Variants in NRXN3 observed in about 807,000 individuals in gnomAD.
NRXN3 encodes the protein neurexin III.
A neutral mutation model predicts 137.6 loss-of-function variants in NRXN3; 32 were observed. That is an observed-to-expected ratio of 0.23 (90% CI 0.18 to 0.31). NRXN3 has a LOEUF of 0.31. NRXN3 is among the 10% of genes least tolerant of loss of function. The pLI, the probability that NRXN3 is intolerant of heterozygous loss-of-function variation, is 1.00. For missense variants in NRXN3, 1,574 were observed against 2,062.5 expected, an observed-to-expected ratio of 0.76 and a Z score of 4.59; for synonymous variants, 798 against 784.5, an observed-to-expected ratio of 1.02 and a Z score of -0.29.
chr14:79,044,462 T>A (rs1031207109), intron 15 of NRXN3, among the ~76,000 whole-genome samples: 3 of 152,170 alleles, frequency 2.0e-5, no homozygotes, highest in South Asian at 2.1e-4. Context: ...CAAGGGAGAA[T>A]AATGATTGTA....
At chr14:79,652,313 GAAGA>G (rs2153973431) in intron 16 of NRXN3, among the ~76,000 whole-genome samples, 1 of 148,214 alleles carries the variant, frequency 6.7e-6, no homozygotes, top group East Asian at 1.9e-4. Flanking sequence ...CACTCATAAA[GAAGA>G]GAGAGAAGAA....
intron 16 of NRXN3, among the ~76,000 whole-genome samples, chr14:79,562,543 G>T (rs892132865): frequency 6.6e-6 from 1 of 152,176 alleles, no homozygotes; most frequent in Non-Finnish European, 1.5e-5. Flanking sequence ...GCTGGCATCA[G>T]ATAGAATGTC....
chr14:78,697,888 T>C (rs992172431), intron 6 of NRXN3: 1 of 152,048 alleles, frequency 6.6e-6, no homozygotes, highest in Non-Finnish European at 1.5e-5. Flanking sequence ...TTTTGCTGAT[T>C]GCAGAGGGGC....
intron 4 of NRXN3, among the ~76,000 whole-genome samples, chr14:78,408,998 C>A (rs2092670894): frequency 1.3e-5 from 2 of 152,336 alleles, no homozygotes; most frequent in South Asian, 4.1e-4. Flanking sequence ...ACTTGAAATT[C>A]TGTTAGAAAT....
chr14:79,692,682 A>G (rs1445433416), intron 18 of NRXN3, among the ~76,000 whole-genome samples: 2 of 152,010 alleles, frequency 1.3e-5, no homozygotes, highest in African/African-American at 4.8e-5. Context: ...TGCTTAACAA[A>G]ACAAAAAACA....
In NRXN3 at chr14:79,761,491, G is replaced by C. The variant is rs372527592; in HGVS notation, c.4015-43621G>C. Reference sequence around the variant, plus strand: ...TTGAAATCTTATCTTCTGTAGAACTGGATCTCATCCTGGCCAACATGGTGA... The same window carrying C: ...TTGAAATCTTATCTTCTGTAGAACTCGATCTCATCCTGGCCAACATGGTGA... On this transcript the variant is annotated intron_variant, in intron 19 of 20. Transcript: ENST00000335750. Among the ~76,000 whole-genome samples, 11 of 151,282 alleles carry C rather than the reference G, an allele frequency of 7.3e-5. 1 individual carries two copies. The highest frequency in any genetic ancestry group is 2.5e-4 in the African/African-American group (10 of 40,750).
chr14:78,579,534 TA>T (rs201034587), intron 4 of NRXN3, among the ~76,000 whole-genome samples: 5,594 of 137,304 alleles, frequency 0.041, 71 homozygotes, highest in South Asian at 0.043. Context: ...TGGTGGTGGT[TA>T]AAAAAAAAAA....
chr14:79,081,245 G>A (rs1300945610), intron 15 of NRXN3, among the ~76,000 whole-genome samples: 1 of 152,194 alleles, frequency 6.6e-6, no homozygotes, highest in African/African-American at 2.4e-5. Context: ...ATCCCAAGTG[G>A]TTAACATTTA....
At chr14:78,717,075 T>G (rs991715986) in intron 8 of NRXN3, among the ~76,000 whole-genome samples, 5 of 152,216 alleles carry the variant, frequency 3.3e-5, no homozygotes, top group African/African-American at 4.8e-5. Flanking sequence ...GCCAAAGTGT[T>G]GCAGATCTTC....
chr14:78,353,075 G>C (rs1484665183), intron 4 of NRXN3, among the ~76,000 whole-genome samples: 1 of 152,164 alleles, frequency 6.6e-6, no homozygotes, highest in Non-Finnish European at 1.5e-5. Context: ...CTTAGGACTA[G>C]AAGGACATGC....
chr14:78,464,971 A>C (rs2095054428), intron 4 of NRXN3, among the ~76,000 whole-genome samples: 1 of 152,178 alleles, frequency 6.6e-6, no homozygotes, highest in Admixed American at 6.5e-5. Flanking sequence ...CACATGCTTT[A>C]TAGTTGATTC....
At chr14:79,833,640 A>C (rs1475715788) in intron 20 of NRXN3, among the ~76,000 whole-genome samples, 1 of 152,120 alleles carries the variant, frequency 6.6e-6, no homozygotes, top group Non-Finnish European at 1.5e-5. Context: ...TCACCTTAAA[A>C]GGCAGGCAGC....
At chr14:79,310,272 G>A (rs1290800130) in intron 15 of NRXN3, among the ~76,000 whole-genome samples, 1 of 114,752 alleles carries the variant, frequency 8.7e-6, no homozygotes, top group Non-Finnish European at 1.7e-5. Flanking sequence ...TGAGGGCTCT[G>A]TTCTGTTCCA....
At chr14:79,461,589 T>A (rs953479830) in intron 15 of NRXN3, among the ~76,000 whole-genome samples, 3 of 152,192 alleles carry the variant, frequency 2.0e-5, no homozygotes, top group African/African-American at 7.2e-5. Flanking sequence ...TCAGTTAAAT[T>A]TATGTCTCTA....
At chr14:78,810,366 AT>A in intron 10 of NRXN3, 22 bp downstream of exon 10, 2 of 1,236,118 alleles carry the variant, frequency 1.6e-6, no homozygotes, top group Non-Finnish European at 1.1e-6. Context: ...CTCAAGTTTC[AT>A]TTTGTTCTTT....
chr14:79,764,698 T>C (rs1424833301), intron 19 of NRXN3, among the ~76,000 whole-genome samples: 2 of 152,180 alleles, frequency 1.3e-5, no homozygotes, highest in African/African-American at 2.4e-5. Context: ...CATGTTACTG[T>C]TATGCAGAGA....
chr14:78,814,729 G>A (rs1347303873), intron 10 of NRXN3, among the ~76,000 whole-genome samples: 1 of 152,144 alleles, frequency 6.6e-6, no homozygotes, highest in Non-Finnish European at 1.5e-5. Context: ...TAACCTAAGA[G>A]GCACGCGGTT....
chr14:78,190,434 C>T (rs2060609088), intron 1 of NRXN3, among the ~76,000 whole-genome samples: 1 of 152,112 alleles, frequency 6.6e-6, no homozygotes, highest in Non-Finnish European at 1.5e-5. Context: ...CAGCCGATGC[C>T]CATCTTTCAG....
chr14:78,201,247 G>A (rs1322377096), intron 1 of NRXN3, among the ~76,000 whole-genome samples: 1 of 152,148 alleles, frequency 6.6e-6, no homozygotes, highest in East Asian at 1.9e-4. Context: ...CTTCTTCCTC[G>A]AGATCGTAGC....
Sources: allele counts gnomAD v4.1 joint callset (sites outside exome capture counted in the v4.1 genomes callset), GRCh38; gene constraint gnomAD v4.1.1; transcripts MANE v1.5; gene names NCBI Gene and HGNC (gene_info 2026-07-23, HGNC 2026-07-21).